KIF26B: variants seen among roughly 807,000 people sequenced by gnomAD.
KIF26B encodes the protein kinesin-like protein KIF26B.
Under a neutral mutation model 151.2 loss-of-function variants are expected in KIF26B, and 63 were observed. The observed-to-expected ratio is 0.42, with a 90% CI of 0.34 to 0.51. The LOEUF is 0.51. Among genes scored for constraint, KIF26B ranks in the 20% least tolerant of loss-of-function variants. The pLI is 0.07. For missense variants in KIF26B, 2,813 were observed against 2,913.6 expected (o/e 0.97, Z 0.79); for synonymous variants, 1,357 against 1,262.1 (o/e 1.08, Z -1.59).
chr1:245,209,363 T>G (rs1198434754), intron 2 of KIF26B, among the ~76,000 whole-genome samples: 1 of 151,446 alleles, frequency 6.6e-6, no homozygotes, highest in Non-Finnish European at 1.5e-5. Flanking sequence ...ATCATGCCAC[T>G]GCACTCCAGC....
In KIF26B at chr1:245,686,030, GC is replaced by G; in HGVS notation, c.3051del (p.Ser1018AlafsTer114). The G allele has an allele frequency of 6.3e-7, 1 of 1,594,560 alleles. No homozygotes were observed. The highest frequency in any genetic ancestry group is 8.5e-7 in the Non-Finnish European group (1 of 1,171,448). ...SPVPAAAPAH[S>X]PSPASPRSVP... is the part of the protein sequence containing the mutation. ...GTGCCCGCCGCGGCACCCGCCCACA[GC>G]CCCAGCCCGGCCTCACCCAGGAGCG... On this transcript the variant is annotated frameshift_variant, in exon 12 of 15. Transcript: ENST00000407071. LOFTEE classifies it high-confidence loss of function. The surrounding 1 kb of genome is among the most constrained non-coding windows in gnomAD (Gnocchi z 5.6).
chr1:245,313,259 G>A (rs1484152475), intron 2 of KIF26B, among the ~76,000 whole-genome samples: 3 of 152,214 alleles, frequency 2.0e-5, no homozygotes, highest in Admixed American at 6.5e-5. Flanking sequence ...TACACCAGAT[G>A]TCTATGGCTT....
At chr1:245,155,906 C>G (rs1181678540) in intron 1 of KIF26B, among the ~76,000 whole-genome samples, 1 of 152,136 alleles carries the variant, frequency 6.6e-6, no homozygotes, top group East Asian at 1.9e-4. Flanking sequence ...CCCCCTACCC[C>G]CCCCATAGGG....
intron 2 of KIF26B, among the ~76,000 whole-genome samples, chr1:245,361,643 G>A (rs1384577909): frequency 6.6e-6 from 1 of 152,154 alleles, no homozygotes; most frequent in African/African-American, 2.4e-5. Context: ...GGGTGCAGGC[G>A]ATCAAGCAGG....
rs2043461378 is a variant in KIF26B at position 245,606,945 on chromosome 1, A to C, written c.1558-706A>C. Among the ~76,000 whole-genome samples, 1 of 151,910 alleles carries C rather than the reference A, an allele frequency of 6.6e-6. No homozygotes were observed. Among genetic ancestry groups the C allele is most frequent in the African/African-American group, 2.4e-5 (1 of 41,358 alleles). ...GCCAGGCATGGTGGCACATGCCTGT[A>C]ATCCCAGCTACTCGGGAGGCTGAGG... On this transcript the variant is annotated intron_variant, in intron 6 of 14. Transcript: ENST00000407071. This position sits in a 1 kb window ranked among gnomAD's most constrained non-coding sequence, Gnocchi z 4.6.
At chr1:245,310,371 T>C (rs1671642940) in intron 2 of KIF26B, among the ~76,000 whole-genome samples, 1 of 152,106 alleles carries the variant, frequency 6.6e-6, no homozygotes, top group African/African-American at 2.4e-5. Context: ...TTTTCCCTTA[T>C]CCATTAACTT....
intron 4 of KIF26B, among the ~76,000 whole-genome samples, chr1:245,482,928 C>T (rs917557804): frequency 2.6e-5 from 4 of 151,734 alleles, no homozygotes; most frequent in African/African-American, 9.7e-5. Flanking sequence ...ACACAGTTTC[C>T]GGCAATACCA....
intron 4 of KIF26B, among the ~76,000 whole-genome samples, chr1:245,432,321 T>C (rs1658800770): frequency 6.6e-6 from 1 of 152,112 alleles, no homozygotes; most frequent in Admixed American, 6.5e-5. Flanking sequence ...TTTCGGGGGA[T>C]AGCATTGTAA....
intron 12 of KIF26B, among the ~76,000 whole-genome samples, chr1:245,696,343 A>C (rs1313294941): frequency 1.3e-5 from 2 of 152,212 alleles, no homozygotes; most frequent in Non-Finnish European, 2.9e-5. Context: ...TGCCATGATG[A>C]CATGAGTGAG....
At chr1:245,489,644 C>G (rs1443541448) in intron 4 of KIF26B, among the ~76,000 whole-genome samples, 1 of 152,080 alleles carries the variant, frequency 6.6e-6, no homozygotes, top group Non-Finnish European at 1.5e-5. Context: ...ATTTCTGATT[C>G]CTCGTCGGGC....
At chr1:245,399,376 T>C (rs547923828) in intron 3 of KIF26B, among the ~76,000 whole-genome samples, 62 of 152,206 alleles carry the variant, frequency 4.1e-4, no homozygotes, top group African/African-American at 1.4e-3. Flanking sequence ...GGGATGGGGG[T>C]GAGAAATTTT....
intron 4 of KIF26B, among the ~76,000 whole-genome samples, chr1:245,480,805 G>A (rs1660153169): frequency 2.0e-5 from 3 of 149,642 alleles, no homozygotes; most frequent in Admixed American, 6.6e-5. Flanking sequence ...AAGAGAGAGA[G>A]AAATGTTTAA....
chr1:245,367,074 G>A lies in KIF26B; in HGVS notation c.706G>A (p.Val236Met), dbSNP rs369084969. The A allele has an allele frequency of 9.0e-5, 145 of 1,602,466 alleles. No individual in the cohort carries two copies. The African/African-American group carries it at 1.3e-3, about 14-fold the overall frequency. Reference protein sequence around the residue: ...NIPTLVGSRHVGGLQQPRDWA... With the variant: ...NIPTLVGSRHMGGLQQPRDWA... ...CCCCACCCTGGTGGGGTCCCGGCAC[G>A]TGGGTGGGCTCCAGCAGCCCAGAGA... The change falls in exon 3 of 15, where the codon GTG becomes ATG. Residue 236 changes from valine to methionine, a missense_variant. By Grantham distance (21) the Val-to-Met change is conservative. Around this residue, in one of 3 missense-constraint regions of KIF26B, gnomAD observed 676 missense variants for 688.1 expected, o/e 0.98. Coordinates refer to ENST00000407071, the MANE Select transcript of KIF26B (RefSeq NM_018012.4). The surrounding 1 kb of genome is among the most constrained non-coding windows in gnomAD (Gnocchi z 4.2).
chr1:245,239,793 G>A lies in KIF26B; in HGVS notation c.465+83110G>A, dbSNP rs1670179254. 6.6e-6 allele frequency among the ~76,000 whole-genome samples: 1 copy of A among 152,118 alleles called. No homozygotes were observed. Among genetic ancestry groups the A allele is most frequent in the Non-Finnish European group, 1.5e-5 (1 of 68,032 alleles). Reference sequence around the variant, plus strand: ...TTACAGGCATGAGCCATTGTGTCCTGACCAGTAAAATGATTTTCTGAATGT... The same window carrying A: ...TTACAGGCATGAGCCATTGTGTCCTAACCAGTAAAATGATTTTCTGAATGT... On this transcript the variant is annotated intron_variant, in intron 2 of 14. Coordinates refer to ENST00000407071, the MANE Select transcript of KIF26B (RefSeq NM_018012.4). This position sits in a 1 kb window ranked among gnomAD's most constrained non-coding sequence, Gnocchi z 4.3.
chr1:245,247,829 C>T (rs1029382836), intron 2 of KIF26B, among the ~76,000 whole-genome samples: 5 of 152,208 alleles, frequency 3.3e-5, no homozygotes, highest in South Asian at 4.1e-4. Flanking sequence ...TGGCCTCAAC[C>T]ACTATTTTAT....
At chr1:245,557,225 A>G (rs917901381) in intron 5 of KIF26B, among the ~76,000 whole-genome samples, 3 of 152,232 alleles carry the variant, frequency 2.0e-5, no homozygotes, top group African/African-American at 7.2e-5. Flanking sequence ...GTTGGTATTC[A>G]TATAGGTTGA....
chr1:245,212,059 A>G (rs1174613913), intron 2 of KIF26B, among the ~76,000 whole-genome samples: 1 of 152,118 alleles, frequency 6.6e-6, no homozygotes, highest in Non-Finnish European at 1.5e-5. Flanking sequence ...GCCGTGGCCC[A>G]GGGACACTGC....
chr1:245,586,905 A>C (rs954063453), intron 5 of KIF26B, among the ~76,000 whole-genome samples: 20 of 151,832 alleles, frequency 1.3e-4, no homozygotes, highest in Non-Finnish European at 1.6e-4. Context: ...AAAAAAAAAA[A>C]AAAACATCAA....
chr1:245,477,585 G>C (rs1007906826), intron 4 of KIF26B, among the ~76,000 whole-genome samples: 2 of 151,898 alleles, frequency 1.3e-5, no homozygotes, highest in Non-Finnish European at 2.9e-5. Context: ...AACATGGTGA[G>C]ATTTGGGCAG....
Sources: allele counts gnomAD v4.1 joint callset (sites outside exome capture counted in the v4.1 genomes callset), GRCh38; gene constraint gnomAD v4.1.1; regional missense constraint gnomAD v4.1.1; non-coding constraint Gnocchi (gnomAD v3.1); transcripts MANE v1.5; gene names NCBI Gene and HGNC (gene_info 2026-07-23, HGNC 2026-07-21).